Variants in KCNQ1 observed in about 807,000 individuals in gnomAD.
KCNQ1 encodes the protein potassium voltage-gated channel subfamily KQT member 1.
A neutral mutation model predicts 72.4 loss-of-function variants in KCNQ1; 49 were observed. The observed-to-expected ratio is 0.68, with a 90% CI of 0.54 to 0.86. The LOEUF (loss-of-function observed/expected upper bound fraction) is 0.86, where lower values mean the gene tolerates loss of function less well. KCNQ1 is among the 40% of genes least tolerant of loss of function. The pLI is 0.00. For missense variants in KCNQ1, 790 were observed against 945.1 expected, an observed-to-expected ratio of 0.84 and a Z score of 2.15; for synonymous variants, 450 against 412.6, an observed-to-expected ratio of 1.09 and a Z score of -1.10.
At chr11:2,517,293 G>A (rs766987675) in intron 1 of KCNQ1, among the ~76,000 whole-genome samples, 10 of 152,208 alleles carry the variant, frequency 6.6e-5, no homozygotes, top group Admixed American at 1.3e-4. Flanking sequence ...CAGGTTCCTG[G>A]CGATGGGGAT....
At chr11:2,737,046 G>T (rs1004005353) in intron 11 of KCNQ1, among the ~76,000 whole-genome samples, 1 of 152,216 alleles carries the variant, frequency 6.6e-6, no homozygotes, top group Non-Finnish European at 1.5e-5. Flanking sequence ...CCAGGAGGAG[G>T]AGCCAGGGGT....
intron 2 of KCNQ1, among the ~76,000 whole-genome samples, chr11:2,539,343 T>C (rs1208385293): frequency 6.6e-6 from 1 of 152,218 alleles, no homozygotes; most frequent in East Asian, 1.9e-4. Context: ...GTCGGCTGGT[T>C]CCATCGTCTT....
chr11:2,492,421 G>A lies in KCNQ1; in HGVS notation c.387-35507G>A, dbSNP rs1176359065. Among the ~76,000 whole-genome samples, 2 of 152,144 alleles carry A rather than the reference G, an allele frequency of 1.3e-5. No individual in the cohort carries two copies. The highest frequency in any genetic ancestry group is 2.9e-5 in the Non-Finnish European group (2 of 68,030). ...CAGGTTTGTTACATACGTATACAGTGCCATGGTGGTTTGCTGCACCTATCA... is the reference window on the plus strand; with the variant it reads ...CAGGTTTGTTACATACGTATACAGTACCATGGTGGTTTGCTGCACCTATCA... On this transcript the variant is annotated intron_variant, in intron 1 of 15. Coordinates refer to ENST00000155840, the MANE Select transcript of KCNQ1 (RefSeq NM_000218.3). The surrounding 1 kb of genome is among the most constrained non-coding windows in gnomAD (Gnocchi z 4.1).
At chr11:2,648,416 A>G (rs1197270918) in intron 10 of KCNQ1, 4 of 398,378 alleles carry the variant, frequency 1.0e-5, no homozygotes, top group East Asian at 7.1e-5. Context: ...ATTGAAATAA[A>G]TGTCCCTCAT....
At chr11:2,763,435 G>T (rs1298088082) in intron 11 of KCNQ1, among the ~76,000 whole-genome samples, 1 of 151,064 alleles carries the variant, frequency 6.6e-6, no homozygotes, top group Non-Finnish European at 1.5e-5. Context: ...AAGAAAGAAA[G>T]AAAGATTGTG....
chr11:2,558,425 C>CGG (rs57907758), intron 2 of KCNQ1, among the ~76,000 whole-genome samples: 25 of 152,058 alleles, frequency 1.6e-4, no homozygotes, highest in African/African-American at 5.3e-4. Context: ...GGTCTCCAGG[C>CGG]GGGGGGGTCC....
chr11:2,838,843 G>A (rs974623798), intron 15 of KCNQ1, among the ~76,000 whole-genome samples: 5 of 152,270 alleles, frequency 3.3e-5, no homozygotes, highest in East Asian at 1.9e-4. Flanking sequence ...CTGCGGGCTC[G>A]CCAGAGGGGG....
At position 2,663,306 on chromosome 11, in the gene KCNQ1, G is replaced by A. The variant is rs964177566; in HGVS notation, c.1514+1225G>A. 2 of 398,784 alleles carry A rather than the reference G, an allele frequency of 5.0e-6. No individual in the cohort carries two copies. Among genetic ancestry groups the A allele is most frequent in the Admixed American group, 4.4e-5 (1 of 22,742 alleles). 24.7% of individuals were successfully genotyped at this position (398,784 alleles called of 1,614,324 possible). A position where few individuals can be genotyped will look rare whatever the true frequency, so the allele number is the denominator to read the frequency against. ...GCTCTGAGCTTCTGGGCCCCTCCTG[G>A]CTGGGTAAAAAGGCAGGAGCAGAGG... On this transcript the variant is annotated intron_variant, in intron 11 of 15. Coordinates refer to ENST00000155840, the MANE Select transcript of KCNQ1 (RefSeq NM_000218.3). This position sits in a 1 kb window ranked among gnomAD's most constrained non-coding sequence, Gnocchi z 5.2.
chr11:2,669,797 T>C lies in KCNQ1; in HGVS notation c.1514+7716T>C, dbSNP rs1850148557. On this transcript the variant is annotated intron_variant, in intron 11 of 15. Coordinates refer to ENST00000155840, the MANE Select transcript of KCNQ1 (RefSeq NM_000218.3). The surrounding 1 kb of genome is among the most constrained non-coding windows in gnomAD (Gnocchi z 5.6). ...AGATCCTGTGGGGACATTCCTTATTTGGCCTGAGAGCTTTTGAGACTGCCA... is the reference window on the plus strand; with the variant it reads ...AGATCCTGTGGGGACATTCCTTATTCGGCCTGAGAGCTTTTGAGACTGCCA... The C allele has an allele frequency of 5.0e-6, 2 of 398,532 alleles. No individual in the cohort carries two copies. Among genetic ancestry groups the C allele is most frequent in the South Asian group, 2.5e-4 (2 of 7,868 alleles). 24.7% of individuals were successfully genotyped at this position (398,532 alleles called of 1,614,324 possible).
intron 15 of KCNQ1, among the ~76,000 whole-genome samples, chr11:2,790,685 C>T (rs1368280415): frequency 1.3e-5 from 2 of 152,240 alleles, no homozygotes; most frequent in Non-Finnish European, 1.5e-5. Context: ...TCCTGGCCCC[C>T]AGTGGAGGGG....
chr11:2,738,764 CACAG>C (rs1411456442), intron 11 of KCNQ1, among the ~76,000 whole-genome samples: 7 of 152,358 alleles, frequency 4.6e-5, no homozygotes, highest in Non-Finnish European at 5.9e-5. Context: ...GCACTGGCCA[CACAG>C]ACAGACCCTG....
In KCNQ1 at chr11:2,537,699, T is replaced by A. The variant is rs555980247; in HGVS notation, c.477+9681T>A. On this transcript the variant is annotated intron_variant, in intron 2 of 15. Transcript: ENST00000155840. The surrounding 1 kb of genome is among the most constrained non-coding windows in gnomAD (Gnocchi z 5.2). ...AAAAACCTATATGGGTTTTGTGGGG[T>A]TTTTTGTTGTTGGTTTTTTATTTTT... 2.6e-4 allele frequency among the ~76,000 whole-genome samples: 39 copies of A among 150,722 alleles called. No homozygotes were observed. The highest frequency in any genetic ancestry group is 2.0e-3 in the Admixed American group (31 of 15,218).
At chr11:2,455,369 A>G (rs189168192) in intron 1 of KCNQ1, among the ~76,000 whole-genome samples, 179 of 152,312 alleles carry the variant, frequency 1.2e-3, no homozygotes, top group African/African-American at 3.8e-3. Context: ...AAGTGCTGGG[A>G]TTCAGGCTTG....
chr11:2,575,110 C>T (rs561994392), intron 6 of KCNQ1, among the ~76,000 whole-genome samples: 1 of 152,312 alleles, frequency 6.6e-6, no homozygotes, highest in East Asian at 1.9e-4. Context: ...CGCTGCTGCC[C>T]TGCCTGCCTT....
At position 2,671,443 on chromosome 11, in the gene KCNQ1, G is replaced by C. The variant is rs1003539915; in HGVS notation, c.1514+9362G>C. 11 of 398,508 alleles carry C rather than the reference G, an allele frequency of 2.8e-5. No homozygotes were observed. Among genetic ancestry groups the C allele is most frequent in the African/African-American group, 2.1e-4 (10 of 48,634 alleles). 24.7% of individuals were successfully genotyped at this position (398,508 alleles called of 1,614,324 possible). On this transcript the variant is annotated intron_variant, in intron 11 of 15. Coordinates refer to ENST00000155840, the MANE Select transcript of KCNQ1 (RefSeq NM_000218.3). This position sits in a 1 kb window ranked among gnomAD's most constrained non-coding sequence, Gnocchi z 4.7. ...CCCAGAGATTCTCCCACTTTAGCAG[G>C]CAGAAGAGCAACCCAGCAGGGGATA...
chr11:2,584,037 G>T (rs1388042128), intron 7 of KCNQ1, among the ~76,000 whole-genome samples: 1 of 152,026 alleles, frequency 6.6e-6, no homozygotes, highest in Non-Finnish European at 1.5e-5. Context: ...TTTGTGTTGT[G>T]TGTGTATAAT....
At chr11:2,461,965 A>G in intron 1 of KCNQ1, 1 of 362,410 alleles carries the variant, frequency 2.8e-6, no homozygotes, top group Non-Finnish European at 5.5e-6. Context: ...GAAGGTCTGG[A>G]GAGGGCCTCT....
rs1451293902 is a variant in KCNQ1, at chr11:2,458,773, A to C, written c.386+13289A>C. Among the ~76,000 whole-genome samples the C allele has an allele frequency of 2.0e-5, 3 of 152,202 alleles. No homozygotes were observed. The highest frequency in any genetic ancestry group is 7.2e-5 in the African/African-American group (3 of 41,460). On this transcript the variant is annotated intron_variant, in intron 1 of 15. Coordinates refer to ENST00000155840, the MANE Select transcript of KCNQ1 (RefSeq NM_000218.3). This position sits in a 1 kb window ranked among gnomAD's most constrained non-coding sequence, Gnocchi z 4.6. ...GGAACGCGCTAAATGATACTACAGG[A>C]GGCCACTTGCAGAATCCCAGTGGTG...
chr11:2,794,664 C>T (rs1019351795), intron 15 of KCNQ1, among the ~76,000 whole-genome samples: 5 of 152,122 alleles, frequency 3.3e-5, no homozygotes, highest in African/African-American at 1.2e-4. Flanking sequence ...TCAGGGAGTA[C>T]ACCGCCTTCC....
Sources: allele counts gnomAD v4.1 joint callset (sites outside exome capture counted in the v4.1 genomes callset), GRCh38; gene constraint gnomAD v4.1.1; non-coding constraint Gnocchi (gnomAD v3.1); transcripts MANE v1.5; gene names NCBI Gene and HGNC (gene_info 2026-07-23, HGNC 2026-07-21).